ATP9B: variants seen among roughly 807,000 people sequenced by gnomAD.
The protein encoded by ATP9B is ATPase phospholipid transporting 9B, also known as probable phospholipid-transporting ATPase IIB.
In ATP9B, 110 loss-of-function variants were observed where a neutral mutation model predicts 146.1. That is an observed-to-expected ratio of 0.75 (90% CI 0.65 to 0.88). ATP9B has a LOEUF of 0.88. Ranked by LOEUF, ATP9B falls within the 40% of genes least tolerant of loss-of-function variation. The pLI is 0.00. For missense variants in ATP9B, 1,499 were observed against 1,496.4 expected (o/e 1.00, Z -0.03); for synonymous variants, 604 against 569.7 (o/e 1.06, Z -0.86).
chr18:79,157,319 C>A (rs2094801627), intron 7 of ATP9B, among the ~76,000 whole-genome samples: 2 of 137,724 alleles, frequency 1.5e-5, no homozygotes, highest in Admixed American at 1.6e-4. Context: ...TCACTTGAAC[C>A]TGGGAGGCAT....
intron 10 of ATP9B, 85 bp from the exon 11 acceptor site, chr18:79,213,877 T>C (rs2095604710): frequency 2.0e-6 from 2 of 1,000,868 alleles, no homozygotes; most frequent in Non-Finnish European, 2.9e-6. Context: ...TGATAATACT[T>C]TCCATCAAAA....
intron 1 of ATP9B, among the ~76,000 whole-genome samples, chr18:79,093,875 TA>T (rs1378967248): frequency 1.3e-5 from 2 of 152,256 alleles, no homozygotes; most frequent in Non-Finnish European, 2.9e-5. Flanking sequence ...ATGGCTGTTT[TA>T]AAATTCCAAT....
rs185372933 is a variant in ATP9B, at chr18:79,377,625, C to T, written c.*242C>T. ...CCAGGATGGCTTCTCCCTCTCAGTGCGAGGCTTCACCCCTGCCAGGCAAGC... is the reference window on the plus strand; with the variant it reads ...CCAGGATGGCTTCTCCCTCTCAGTGTGAGGCTTCACCCCTGCCAGGCAAGC... On this transcript the variant is annotated 3_prime_UTR_variant, in exon 30 of 30. Transcript: ENST00000426216. 1.9e-4 allele frequency: 98 copies of T among 513,012 alleles called. 1 individual carries two copies. Among genetic ancestry groups the T allele is most frequent in the Admixed American group, 9.2e-4 (27 of 29,380 alleles). The allele number at this position is 513,012 out of a possible 1,614,324, so 31.8% of individuals were successfully genotyped here. A position where few individuals can be genotyped will look rare whatever the true frequency, so the allele number is the denominator to read the frequency against.
At chr18:79,100,278 T>C (rs1167777817) in intron 2 of ATP9B, among the ~76,000 whole-genome samples, 1 of 152,206 alleles carries the variant, frequency 6.6e-6, no homozygotes, top group East Asian at 1.9e-4. Flanking sequence ...GTCAGTGAAG[T>C]CATAGTTGTT....
intron 1 of ATP9B, 117 bp from the exon 2 acceptor site, chr18:79,096,359 A>G: frequency 2.0e-6 from 2 of 992,626 alleles, no homozygotes; most frequent in Non-Finnish European, 3.0e-6. Context: ...AGTCTTATTT[A>G]TAATGCTTTC....
intron 11 of ATP9B, among the ~76,000 whole-genome samples, chr18:79,216,991 T>C (rs952948499): frequency 8.5e-5 from 13 of 152,188 alleles, no homozygotes; most frequent in Non-Finnish European, 1.3e-4. Flanking sequence ...TGGTAGGCAC[T>C]TGTCTAAAAC....
intron 1 of ATP9B, among the ~76,000 whole-genome samples, chr18:79,073,444 C>T (rs902932905): frequency 1.3e-5 from 2 of 152,214 alleles, no homozygotes; most frequent in Admixed American, 6.5e-5. Flanking sequence ...CTGGCCAACA[C>T]GGAGAAACCC....
At chr18:79,142,799 G>T (rs904302927) in intron 5 of ATP9B, among the ~76,000 whole-genome samples, 3 of 152,156 alleles carry the variant, frequency 2.0e-5, no homozygotes, top group Non-Finnish European at 4.4e-5. Context: ...AAATCTTTAG[G>T]AACAGTGTGA....
intron 13 of ATP9B, among the ~76,000 whole-genome samples, chr18:79,286,149 G>C (rs1209656059): frequency 4.7e-5 from 7 of 150,502 alleles, no homozygotes; most frequent in Non-Finnish European, 3.0e-5. Context: ...TTCCAATTCT[G>C]TGAAGAAAGT....
At chr18:79,220,826 G>C (rs1290452606) in intron 11 of ATP9B, among the ~76,000 whole-genome samples, 3 of 152,158 alleles carry the variant, frequency 2.0e-5, no homozygotes, top group Non-Finnish European at 4.4e-5. Context: ...CAGTAAGAAA[G>C]AAGAGAGTGC....
chr18:79,189,947 A>T (rs2095347638), intron 8 of ATP9B, among the ~76,000 whole-genome samples: 2 of 152,230 alleles, frequency 1.3e-5, no homozygotes, highest in East Asian at 3.8e-4. Context: ...GAGCACTCGG[A>T]ACTGTGATGC....
chr18:79,157,414 A>AACAAAAAAAAC (rs1277711593), intron 7 of ATP9B, among the ~76,000 whole-genome samples: 3 of 145,232 alleles, frequency 2.1e-5, no homozygotes, highest in South Asian at 2.1e-4. Flanking sequence ...AAAAAAAAAA[A>AACAAAAAAAAC]AAAAAAAAAA....
In ATP9B at chr18:79,239,355, C is replaced by T. The variant is rs767726794; in HGVS notation, c.1108-14026C>T. ...AGAGAGGTTGGGAATTTACAACAAA[C>T]CAAATTAAATGATGGTGTTTCTTGC... On this transcript the variant is annotated intron_variant, in intron 11 of 29. Transcript: ENST00000426216. The surrounding 1 kb of genome is among the most constrained non-coding windows in gnomAD (Gnocchi z 5.1). Among the ~76,000 whole-genome samples the T allele has an allele frequency of 6.6e-6, 1 of 152,202 alleles. No homozygotes were observed. Among genetic ancestry groups the T allele is most frequent in the African/African-American group, 2.4e-5 (1 of 41,448 alleles).
intron 11 of ATP9B, among the ~76,000 whole-genome samples, chr18:79,226,825 T>C (rs909769124): frequency 4.6e-5 from 7 of 152,194 alleles, no homozygotes; most frequent in African/African-American, 1.7e-4. Flanking sequence ...GCGTAGAGAC[T>C]GTAGCAGGCT....
At chr18:79,123,039 T>C (rs2094216094) in intron 4 of ATP9B, among the ~76,000 whole-genome samples, 1 of 152,148 alleles carries the variant, frequency 6.6e-6, no homozygotes, top group Non-Finnish European at 1.5e-5. Context: ...ACAAGGGTGT[T>C]TGCTCCCACC....
intron 11 of ATP9B, among the ~76,000 whole-genome samples, chr18:79,245,907 C>G (rs1280825158): frequency 9.0e-6 from 1 of 110,500 alleles, no homozygotes; most frequent in African/African-American, 3.5e-5. Flanking sequence ...GAGGAGGGCA[C>G]CGCCCTACTG....
At chr18:79,119,936 CA>C (rs1482450649) in intron 4 of ATP9B, among the ~76,000 whole-genome samples, 1 of 152,068 alleles carries the variant, frequency 6.6e-6, no homozygotes, top group Non-Finnish European at 1.5e-5. Context: ...CGCTGAAAAT[CA>C]AGACAATTTG....
chr18:79,154,831 TA>T (rs919505495), intron 7 of ATP9B, among the ~76,000 whole-genome samples: 2 of 152,250 alleles, frequency 1.3e-5, no homozygotes, highest in Non-Finnish European at 2.9e-5. Context: ...ATTTTCACTT[TA>T]AAAGGTAAAA....
At chr18:79,376,041 G>A (rs1006922624) in intron 29 of ATP9B, 42 of 985,098 alleles carry the variant, frequency 4.3e-5, no homozygotes, top group African/African-American at 1.0e-4. Flanking sequence ...GGTGACAGGC[G>A]AGAACATTCT....
Sources: gnomAD v4.1 joint callset for allele counts (sites outside exome capture counted in the v4.1 genomes callset) on GRCh38, gnomAD v4.1.1 for gene constraint, Gnocchi (gnomAD v3.1) non-coding constraint, MANE v1.5 for transcripts, NCBI Gene and HGNC (gene_info 2026-07-23, HGNC 2026-07-21) for gene names.